PLEKHS1: variants seen among roughly 807,000 people sequenced by gnomAD.
The protein encoded by PLEKHS1 is pleckstrin homology domain containing S1, also known as pleckstrin homology domain-containing family S member 1.
A neutral mutation model predicts 51.0 loss-of-function variants in PLEKHS1; 55 were observed. That is an observed-to-expected ratio of 1.08 (90% CI 0.87 to 1.35). PLEKHS1 has a LOEUF of 1.35. Ranked by LOEUF, PLEKHS1 falls within the 40% of genes most tolerant of loss-of-function variation. The pLI is 0.00. For missense variants in PLEKHS1, 398 were observed against 423.0 expected (o/e 0.94, Z 0.52); for synonymous variants, 153 against 144.8 (o/e 1.06, Z -0.41).
intron 2 of PLEKHS1, among the ~76,000 whole-genome samples, chr10:113,756,029 A>G (rs1173138413): frequency 6.6e-6 from 1 of 152,194 alleles, no homozygotes; most frequent in African/African-American, 2.4e-5. Flanking sequence ...TCTTATTCAT[A>G]CACTTCTTTG....
intron 2 of PLEKHS1, among the ~76,000 whole-genome samples, chr10:113,759,682 A>G (rs568949011): frequency 2.6e-5 from 4 of 152,294 alleles, no homozygotes; most frequent in East Asian, 1.9e-4. Flanking sequence ...TGATTCATTC[A>G]CCTGTTGAAT....
chr10:113,769,448 G>A (rs1296156296), intron 6 of PLEKHS1, among the ~76,000 whole-genome samples: 1 of 152,194 alleles, frequency 6.6e-6, no homozygotes, highest in Non-Finnish European at 1.5e-5. Flanking sequence ...AAAAGCCAAA[G>A]AGAAGGAGAA....
At chr10:113,757,556 A>C (rs1235706637) in intron 2 of PLEKHS1, among the ~76,000 whole-genome samples, 1 of 152,242 alleles carries the variant, frequency 6.6e-6, no homozygotes, top group East Asian at 1.9e-4. Context: ...AGTGAGTCAC[A>C]ATCTTTTTGC....
chr10:113,751,941 C>T (rs576523534), intron 1 of PLEKHS1, among the ~76,000 whole-genome samples, 180 bp downstream of exon 1: 30 of 152,316 alleles, frequency 2.0e-4, no homozygotes, highest in Admixed American at 1.5e-3. Flanking sequence ...GGAAATAGGA[C>T]TGACCTCTTG....
chr10:113,758,581 G>A (rs994685225), intron 2 of PLEKHS1, among the ~76,000 whole-genome samples: 1 of 152,130 alleles, frequency 6.6e-6, no homozygotes, highest in African/African-American at 2.4e-5. Flanking sequence ...AAGGGCCTTA[G>A]GATTTTCTAG....
At chr10:113,775,974 C>T (rs1003440377) in intron 11 of PLEKHS1, 108 bp downstream of exon 11, 11 of 775,768 alleles carry the variant, frequency 1.4e-5, no homozygotes, top group East Asian at 1.1e-4. Context: ...AGGTTTGGGG[C>T]GGGGGAGCTT....
intron 11 of PLEKHS1, among the ~76,000 whole-genome samples, chr10:113,776,162 G>C (rs554280980): frequency 1.3e-5 from 2 of 152,128 alleles, no homozygotes; most frequent in Non-Finnish European, 2.9e-5. Flanking sequence ...GGTGGCCCAA[G>C]GACATCATTT....
At position 113,768,833 on chromosome 10, in the gene PLEKHS1, G is replaced by A. The variant is rs559395228; in HGVS notation, c.378G>A (p.Trp126Ter). 2 of 1,613,204 alleles carry A rather than the reference G, an allele frequency of 1.2e-6. No homozygotes were observed. The highest frequency in any genetic ancestry group is 1.1e-5 in the South Asian group (1 of 90,978). Reference sequence around the variant, plus strand: ...TCAACAGGGAGAAGATTAAAGACTGGGTCTCCTTCATGTCATCATTTCGCC... The same window carrying A: ...TCAACAGGGAGAAGATTAAAGACTGAGTCTCCTTCATGTCATCATTTCGCC... The change falls in exon 6 of 12, where the codon TGG becomes TGA. Residue 126 changes from tryptophan (W) to a stop codon, truncating the protein, a stop_gained. Coordinates refer to ENST00000361048, the Ensembl canonical transcript of PLEKHS1. LOFTEE classifies it high-confidence loss of function.
chr10:113,768,742 A>G (rs1844268308), intron 5 of PLEKHS1, 73 bp from the exon 6 acceptor site: 1 of 1,253,406 alleles, frequency 8.0e-7, no homozygotes, highest in African/African-American at 1.5e-5. Flanking sequence ...TAACATTCAT[A>G]AAAGAATCCT....
intron 2 of PLEKHS1, 137 bp from the exon 3 acceptor site, chr10:113,766,273 TG>T: frequency 1.7e-6 from 1 of 603,574 alleles, no homozygotes; most frequent in Non-Finnish European, 2.9e-6. Flanking sequence ...TTTGTTTTCT[TG>T]GGTTATTATA....
chr10:113,752,882 G>A (rs960852391), intron 1 of PLEKHS1, among the ~76,000 whole-genome samples: 2 of 152,184 alleles, frequency 1.3e-5, no homozygotes, highest in Non-Finnish European at 2.9e-5. Flanking sequence ...GTGTCCATGA[G>A]CATGAATGTG....
chr10:113,755,189 C>T (rs755923215), intron 1 of PLEKHS1, 70 bp from the exon 2 acceptor site: 2 of 1,506,936 alleles, frequency 1.3e-6, no homozygotes, highest in Non-Finnish European at 8.9e-7. Context: ...ACTCACTGAC[C>T]AGCGGTGGCT....
At chr10:113,777,459 A>T in intron 11 of PLEKHS1, 200 bp downstream of exon 12, 1 of 1,600,478 alleles carries the variant, frequency 6.2e-7, no homozygotes, top group Non-Finnish European at 8.5e-7. Context: ...GAAGGCACTG[A>T]GCTAAGAGAC....
In PLEKHS1 at chr10:113,767,337, T is replaced by A. The variant is rs1844208625; in HGVS notation, c.225-8T>A. On this transcript the variant is annotated splice_polypyrimidine_tract_variant and splice_region_variant and intron_variant, in intron 4 of 11. Transcript: ENST00000361048. ...CTTGGTTTAATACTTTGTGTCTATATCTAATAGAAATTCCAGTGTAGAAGT... is the reference window on the plus strand; with the variant it reads ...CTTGGTTTAATACTTTGTGTCTATAACTAATAGAAATTCCAGTGTAGAAGT... 6.3e-7 allele frequency: 1 copy of A among 1,589,458 alleles called. No homozygotes were observed.
intron 11 of PLEKHS1, chr10:113,777,769 G>T: frequency 6.9e-7 from 1 of 1,450,682 alleles, no homozygotes; most frequent in Non-Finnish European, 9.0e-7. Context: ...TAAAGCCTCA[G>T]TTTCATTATC....
intron 7 of PLEKHS1, 90 bp from the exon 8 acceptor site, chr10:113,771,880 A>T (rs1290147560): frequency 1.4e-6 from 2 of 1,466,444 alleles, no homozygotes; most frequent in Admixed American, 2.3e-5. Flanking sequence ...TTTTAACCCA[A>T]CTAATTTATT....
chr10:113,777,498 G>T, intron 11 of PLEKHS1: 1 of 1,574,264 alleles, frequency 6.4e-7, no homozygotes, highest in Non-Finnish European at 8.6e-7. Flanking sequence ...ACCTCAGATC[G>T]GCATGATGTA....
At chr10:113,763,926 C>A (rs1210409776) in intron 2 of PLEKHS1, among the ~76,000 whole-genome samples, 1 of 152,128 alleles carries the variant, frequency 6.6e-6, no homozygotes, top group Non-Finnish European at 1.5e-5. Context: ...TATCATTTCC[C>A]TTCTTCCTGG....
At chr10:113,782,396 GT>G (rs1844889711) in exon 12 of PLEKHS1, 1 of 152,130 alleles carries the variant, frequency 6.6e-6, no homozygotes, top group Admixed American at 6.5e-5. Flanking sequence ...TACCCAGATT[GT>G]TCGGAAAGTA....
Sources: gnomAD v4.1 joint callset for allele counts (sites outside exome capture counted in the v4.1 genomes callset) on GRCh38, gnomAD v4.1.1 for gene constraint, MANE v1.5 for transcripts, NCBI Gene and HGNC (gene_info 2026-07-23, HGNC 2026-07-21) for gene names.